EMSY: variants seen among roughly 807,000 people sequenced by gnomAD.
EMSY encodes BRCA2-interacting transcriptional repressor EMSY.
Under a neutral mutation model 134.6 loss-of-function variants are expected in EMSY, and 26 were observed. The ratio of observed to expected loss-of-function variants is 0.19; its 90% CI spans 0.14 to 0.27. The LOEUF (loss-of-function observed/expected upper bound fraction) is 0.27, where lower values mean the gene tolerates loss of function less well. Among genes scored for constraint, EMSY ranks in the 10% least tolerant of loss-of-function variants. The pLI is 1.00. For missense variants in EMSY, 1,305 were observed against 1,611.4 expected (o/e 0.81, Z 3.26); for synonymous variants, 579 against 577.8 (o/e 1.00, Z -0.03).
chr11:76,476,084 A>G (rs1948760480), intron 8 of EMSY, among the ~76,000 whole-genome samples: 2 of 152,210 alleles, frequency 1.3e-5, no homozygotes, highest in East Asian at 3.8e-4. Flanking sequence ...TACTGATTTC[A>G]TCTGTGTATT....
At chr11:76,541,755 T>C (rs2136678706) in intron 17 of EMSY, among the ~76,000 whole-genome samples, 1 of 152,374 alleles carries the variant, frequency 6.6e-6, no homozygotes, top group East Asian at 1.9e-4. Flanking sequence ...TTTTATTGCA[T>C]GTCGAACTGA....
At chr11:76,477,744 A>G (rs1273951393) in intron 8 of EMSY, among the ~76,000 whole-genome samples, 1 of 152,190 alleles carries the variant, frequency 6.6e-6, no homozygotes, top group Non-Finnish European at 1.5e-5. Context: ...TTTTGTACTT[A>G]ACAGACTAGA....
chr11:76,547,911 A>C (rs904710882), intron 20 of EMSY, among the ~76,000 whole-genome samples: 1 of 152,200 alleles, frequency 6.6e-6, no homozygotes, highest in Non-Finnish European at 1.5e-5. Flanking sequence ...GCTATGTCAG[A>C]GGTAAGGACA....
At chr11:76,501,524 A>C (rs1477753682) in intron 9 of EMSY, among the ~76,000 whole-genome samples, 1 of 152,204 alleles carries the variant, frequency 6.6e-6, no homozygotes, top group Non-Finnish European at 1.5e-5. Flanking sequence ...GAAAATCTGG[A>C]GGTTAAAAGT....
chr11:76,479,709 A>G (rs1295601705), intron 8 of EMSY, among the ~76,000 whole-genome samples: 5 of 152,238 alleles, frequency 3.3e-5, no homozygotes, highest in Non-Finnish European at 7.3e-5. Context: ...GCAGAAGAGT[A>G]TGGTGTTGGA....
At chr11:76,460,499 G>A (rs893274871) in intron 6 of EMSY, 2 of 153,284 alleles carry the variant, frequency 1.3e-5, no homozygotes, top group African/African-American at 4.8e-5. Context: ...TATATTCAGT[G>A]AAACATTCTA....
At chr11:76,530,688 T>A (rs548470263) in intron 14 of EMSY, among the ~76,000 whole-genome samples, 29 of 152,332 alleles carry the variant, frequency 1.9e-4, no homozygotes, top group African/African-American at 7.0e-4. Flanking sequence ...ATTTTTATAA[T>A]CTGCCCCTCC....
At position 76,480,928 on chromosome 11, in the gene EMSY, A is replaced by G. The variant is rs146985002; in HGVS notation, c.1108+8088A>G. 9.3e-3 allele frequency among the ~76,000 whole-genome samples: 1,419 copies of G among 152,340 alleles called. 22 individuals are homozygous for G. Among genetic ancestry groups the G allele is most frequent in the African/African-American group, 0.033 (1,353 of 41,572 alleles). On this transcript the variant is annotated intron_variant, in intron 8 of 20. Coordinates refer to ENST00000334736, the Ensembl canonical transcript of EMSY. ...CCATGGTCTTTGCAACCCACAGACCAGGAGATTCCTTCGGGTGCCTATGCC... is the reference window on the plus strand; with the variant it reads ...CCATGGTCTTTGCAACCCACAGACCGGGAGATTCCTTCGGGTGCCTATGCC...
At chr11:76,547,458 C>T (rs1319444882) in intron 20 of EMSY, among the ~76,000 whole-genome samples, 2 of 152,074 alleles carry the variant, frequency 1.3e-5, no homozygotes, top group Non-Finnish European at 2.9e-5. Flanking sequence ...TTTGTATTTT[C>T]CCCTGAAGAG....
chr11:76,505,362 A>ATTTTTTT (rs372496170), intron 9 of EMSY, among the ~76,000 whole-genome samples: 1 of 126,784 alleles, frequency 7.9e-6, no homozygotes, highest in Non-Finnish European at 1.6e-5. Context: ...CGCCCGGCTA[A>ATTTTTTT]TTTTTTTTTT....
chr11:76,495,407 T>C (rs148633767), intron 8 of EMSY, among the ~76,000 whole-genome samples: 1 of 152,338 alleles, frequency 6.6e-6, no homozygotes, highest in African/African-American at 2.4e-5. Flanking sequence ...TATTAACTTA[T>C]TGATAGATAA....
At chr11:76,546,171 T>A (rs3753051) in exon 20 of EMSY, 1 of 1,614,006 alleles carries the variant, frequency 6.2e-7, no homozygotes, top group South Asian at 1.1e-5. Context: ...GTCCATCCAC[T>A]GTTGGCTCTT....
At chr11:76,511,603 G>A (rs1281799565) in intron 9 of EMSY, among the ~76,000 whole-genome samples, 1 of 152,064 alleles carries the variant, frequency 6.6e-6, no homozygotes, top group East Asian at 1.9e-4. Context: ...GGGAGGCTGA[G>A]GCAGGAGAAT....
chr11:76,465,910 C>T (rs1168849555), intron 7 of EMSY, among the ~76,000 whole-genome samples: 1 of 152,214 alleles, frequency 6.6e-6, no homozygotes, highest in Non-Finnish European at 1.5e-5. Flanking sequence ...CCCTTTACCT[C>T]CACCATTTGT....
At chr11:76,532,039 C>G (rs79588902) in intron 14 of EMSY, among the ~76,000 whole-genome samples, 2,493 of 152,238 alleles carry the variant, frequency 0.016, 72 homozygotes, top group African/African-American at 0.057. Flanking sequence ...AGGATTCATT[C>G]TTCTATGTTA....
At chr11:76,544,266 G>A in exon 19 of EMSY, 5 of 1,609,584 alleles carry the variant, frequency 3.1e-6, no homozygotes, top group Non-Finnish European at 4.2e-6. Context: ...TAGGCATTAA[G>A]CAGTCACACT....
At chr11:76,461,886 C>T (rs1948134440) in intron 6 of EMSY, among the ~76,000 whole-genome samples, 1 of 150,958 alleles carries the variant, frequency 6.6e-6, no homozygotes, top group Non-Finnish European at 1.5e-5. Context: ...GAGCTGAGAT[C>T]GTGCCATGCA....
At chr11:76,487,820 G>A (rs574694241) in intron 8 of EMSY, among the ~76,000 whole-genome samples, 1 of 152,292 alleles carries the variant, frequency 6.6e-6, no homozygotes, top group South Asian at 2.1e-4. Context: ...CCCAAATCTG[G>A]AAAAGATTCA....
intron 18 of EMSY, 84 bp from the exon 20 acceptor site, chr11:76,544,175 G>GT (rs1392805853): frequency 2.7e-5 from 37 of 1,359,652 alleles, no homozygotes; most frequent in Non-Finnish European, 3.6e-5. Context: ...AGTGAATCTC[G>GT]TAAGTCTTTT....
Sources: allele counts gnomAD v4.1 joint callset (sites outside exome capture counted in the v4.1 genomes callset), GRCh38; gene constraint gnomAD v4.1.1; transcripts MANE v1.5; gene names NCBI Gene and HGNC (gene_info 2026-07-23, HGNC 2026-07-21).